Variants in FARP1 observed in about 807,000 individuals in gnomAD.
The protein encoded by FARP1 is FERM, ARHGEF and pleckstrin domain-containing protein 1.
FARP1 carries 52 observed loss-of-function variants against 128.8 expected under a neutral mutation model. The observed-to-expected ratio is 0.40, with a 90% confidence interval of 0.32 to 0.51. The LOEUF is 0.51. Ranked by LOEUF, FARP1 falls within the 20% of genes least tolerant of loss-of-function variation. The probability of loss-of-function intolerance (pLI) is 0.45; values close to 1 mark genes in which losing one functional copy is unlikely to be tolerated. For missense variants in FARP1, 1,333 were observed against 1,367.9 expected, an observed-to-expected ratio of 0.97 and a Z score of 0.40; for synonymous variants, 580 against 551.8, an observed-to-expected ratio of 1.05 and a Z score of -0.72.
At chr13:98,270,937 G>A (rs1215358892) in intron 2 of FARP1, among the ~76,000 whole-genome samples, 1 of 152,192 alleles carries the variant, frequency 6.6e-6, no homozygotes, top group African/African-American at 2.4e-5. Context: ...CACCCTCTGA[G>A]CCATCGTTTC....
At chr13:98,319,939 G>T (rs1245998703) in intron 2 of FARP1, among the ~76,000 whole-genome samples, 2 of 152,130 alleles carry the variant, frequency 1.3e-5, no homozygotes, top group Non-Finnish European at 2.9e-5. Context: ...GGTTATAAAT[G>T]AAGAACAACC....
intron 1 of FARP1, among the ~76,000 whole-genome samples, chr13:98,179,886 C>A (rs922167975): frequency 6.2e-5 from 9 of 145,036 alleles, no homozygotes; most frequent in Non-Finnish European, 9.3e-5. Flanking sequence ...AAACAAAAAA[C>A]TTTTGACTTA....
chr13:98,369,352 T>A (rs1889230033), intron 5 of FARP1, among the ~76,000 whole-genome samples: 1 of 76,712 alleles, frequency 1.3e-5, no homozygotes, highest in African/African-American at 4.1e-5. Context: ...CCAGCCTAAT[T>A]CTTTTTTTTT....
intron 2 of FARP1, among the ~76,000 whole-genome samples, chr13:98,249,907 C>T (rs1883242998): frequency 6.6e-6 from 1 of 152,126 alleles, no homozygotes; most frequent in Admixed American, 6.6e-5. Context: ...TTTGACAGCT[C>T]CTTCCCCAAA....
intron 3 of FARP1, among the ~76,000 whole-genome samples, chr13:98,349,791 A>G (rs1374172250): frequency 1.3e-5 from 2 of 151,254 alleles, no homozygotes; most frequent in African/African-American, 2.4e-5. Context: ...GCACCTTGTC[A>G]TTCATTTTCT....
chr13:98,191,727 G>T (rs1879242055), intron 1 of FARP1, among the ~76,000 whole-genome samples: 6 of 152,192 alleles, frequency 3.9e-5, no homozygotes, highest in Admixed American at 3.9e-4. Flanking sequence ...CAGATCACCT[G>T]AGGTTAGGAG....
chr13:98,295,056 C>G (rs1474603116), intron 2 of FARP1, among the ~76,000 whole-genome samples: 1 of 41,942 alleles, frequency 2.4e-5, no homozygotes, highest in Admixed American at 1.9e-4. Context: ...TACACACACA[C>G]ACACACACAC....
intron 16 of FARP1, among the ~76,000 whole-genome samples, chr13:98,419,485 C>CACACACACACAT (rs1183181488): frequency 7.2e-6 from 1 of 138,542 alleles, no homozygotes; most frequent in African/African-American, 3.0e-5. Flanking sequence ...AAAAAAAATA[C>CACACACACACAT]ACACACACAC....
chr13:98,382,972 T>C (rs1031292714), intron 6 of FARP1, among the ~76,000 whole-genome samples: 6 of 152,186 alleles, frequency 3.9e-5, no homozygotes, highest in Non-Finnish European at 8.8e-5. Context: ...ATGAGCTCAA[T>C]GTGAAGAAAT....
intron 2 of FARP1, among the ~76,000 whole-genome samples, chr13:98,217,460 G>A (rs1199388097): frequency 6.6e-6 from 1 of 152,202 alleles, no homozygotes; most frequent in East Asian, 1.9e-4. Context: ...TACGACCGTC[G>A]TCGCAGGAAA....
chr13:98,256,948 G>GGTATATATATATATATATATGT (rs59128917), intron 2 of FARP1, among the ~76,000 whole-genome samples: 3 of 77,076 alleles, frequency 3.9e-5, no homozygotes, highest in Admixed American at 1.6e-4. Flanking sequence ...TATATATGTG[G>GGTATATATATATATATATATGT]ATATATATAT....
intron 2 of FARP1, among the ~76,000 whole-genome samples, chr13:98,222,454 C>T (rs779805887): frequency 2.0e-5 from 3 of 152,060 alleles, no homozygotes; most frequent in Non-Finnish European, 2.9e-5. Flanking sequence ...AGTGACTTGG[C>T]GCGGGTCAGA....
chr13:98,341,963 C>A (rs1887992474), intron 2 of FARP1, among the ~76,000 whole-genome samples: 1 of 152,190 alleles, frequency 6.6e-6, no homozygotes, highest in African/African-American at 2.4e-5. Flanking sequence ...TGGCCTGATA[C>A]TAACTGGGGA....
intron 1 of FARP1, among the ~76,000 whole-genome samples, chr13:98,169,134 T>C (rs1456346553): frequency 6.6e-6 from 1 of 152,226 alleles, no homozygotes; most frequent in Non-Finnish European, 1.5e-5. Context: ...AACTAATTTG[T>C]ACTGATCTCT....
chr13:98,446,654 TC>T lies in FARP1; in HGVS notation c.2905-8del. ...CCCCGAAAAGCCACTTTGCTTTGTT[TC>T]CCCTTTCCAGGACAATCATCCCCTT... On this transcript the variant is annotated splice_polypyrimidine_tract_variant and intron_variant, in intron 25 of 26. Transcript: ENST00000319562. 1 of 1,613,590 alleles carries T rather than the reference TC, an allele frequency of 6.2e-7. No individual in the cohort carries two copies. The highest frequency in any genetic ancestry group is 8.5e-7 in the Non-Finnish European group (1 of 1,179,634).
chr13:98,309,324 GC>G (rs1466588614), intron 2 of FARP1, among the ~76,000 whole-genome samples: 2 of 139,188 alleles, frequency 1.4e-5, no homozygotes, highest in African/African-American at 2.8e-5. Context: ...CCACCATCAC[GC>G]CCGGCTATTT....
chr13:98,401,718 A>C (rs1191911129), intron 13 of FARP1: 1 of 152,038 alleles, frequency 6.6e-6, no homozygotes, highest in Non-Finnish European at 1.5e-5. Flanking sequence ...AAAAGATGAA[A>C]CCTCAAGCAG....
At chr13:98,240,158 G>C (rs1159386212) in intron 2 of FARP1, among the ~76,000 whole-genome samples, 1 of 152,190 alleles carries the variant, frequency 6.6e-6, no homozygotes, top group Non-Finnish European at 1.5e-5. Context: ...CCAGTGGCTG[G>C]GGCCTTGTGC....
At chr13:98,151,064 C>T (rs1244850474) in intron 1 of FARP1, among the ~76,000 whole-genome samples, 4 of 118,266 alleles carry the variant, frequency 3.4e-5, no homozygotes, top group Non-Finnish European at 8.3e-5. Flanking sequence ...AGGTCTTAAA[C>T]GGTGTGCTGT....
Sources: allele counts gnomAD v4.1 joint callset (sites outside exome capture counted in the v4.1 genomes callset), GRCh38; gene constraint gnomAD v4.1.1; transcripts MANE v1.5; gene names NCBI Gene and HGNC (gene_info 2026-07-23, HGNC 2026-07-21).